KANSL1: variants seen among roughly 807,000 people sequenced by gnomAD.
KANSL1 encodes the protein KAT8 regulatory NSL complex subunit 1.
In KANSL1, 22 loss-of-function variants were observed where a neutral mutation model predicts 103.6. That is an observed-to-expected ratio of 0.21 (90% CI 0.15 to 0.30). The LOEUF (loss-of-function observed/expected upper bound fraction) is 0.30, where lower values mean the gene tolerates loss of function less well. Ranked by LOEUF, KANSL1 falls within the 10% of genes least tolerant of loss-of-function variation. KANSL1 has a pLI of 1.00. For missense variants in KANSL1, 1,337 were observed against 1,399.8 expected, an observed-to-expected ratio of 0.96 and a Z score of 0.72; for synonymous variants, 600 against 527.6, an observed-to-expected ratio of 1.14 and a Z score of -1.88.
intron 2 of KANSL1, among the ~76,000 whole-genome samples, chr17:46,117,774 G>A (rs1190178012): frequency 6.6e-6 from 1 of 152,110 alleles, no homozygotes; most frequent in Admixed American, 6.5e-5. Flanking sequence ...TTTTAATTAT[G>A]CTTTTAAAAT....
intron 6 of KANSL1, among the ~76,000 whole-genome samples, chr17:46,063,265 T>C (rs1387326078): frequency 1.3e-5 from 2 of 152,232 alleles, no homozygotes; most frequent in Non-Finnish European, 2.9e-5. Context: ...TTTGCTGTCA[T>C]TAGAAAGTAA....
chr17:46,219,960 G>A (rs571568664), intron 1 of KANSL1, among the ~76,000 whole-genome samples: 86 of 152,052 alleles, frequency 5.7e-4, no homozygotes, highest in Middle Eastern at 3.4e-3. Context: ...AAAATTAGCC[G>A]GGCGTGGTGG....
At chr17:46,049,202 A>G (rs1395075429) in intron 7 of KANSL1, among the ~76,000 whole-genome samples, 1 of 150,656 alleles carries the variant, frequency 6.6e-6, no homozygotes, top group Non-Finnish European at 1.5e-5. Context: ...GAACTCTTAG[A>G]AATGATCTCT....
chr17:46,046,654 G>A (rs575517682), intron 7 of KANSL1, among the ~76,000 whole-genome samples: 14 of 150,212 alleles, frequency 9.3e-5, no homozygotes, highest in African/African-American at 2.2e-4. Flanking sequence ...TGGCCAATAT[G>A]GTGAAACCCC....
intron 1 of KANSL1, among the ~76,000 whole-genome samples, chr17:46,218,009 G>C: frequency 6.6e-6 from 1 of 152,096 alleles, no homozygotes; most frequent in Middle Eastern, 3.2e-3. Flanking sequence ...CTGGGCAACA[G>C]AGCAAGACTC....
chr17:46,080,644 C>T (rs1039693622), intron 4 of KANSL1, among the ~76,000 whole-genome samples: 68 of 152,236 alleles, frequency 4.5e-4, no homozygotes, highest in African/African-American at 1.6e-3. Context: ...TTTTAAGAAA[C>T]ATATGCTCTG....
At chr17:46,033,874 A>G (rs1417853447) in intron 11 of KANSL1, among the ~76,000 whole-genome samples, 1 of 152,250 alleles carries the variant, frequency 6.6e-6, no homozygotes, top group African/African-American at 2.4e-5. Context: ...TGATGTTGAC[A>G]ACAAATTCAG....
intron 2 of KANSL1, among the ~76,000 whole-genome samples, chr17:46,096,658 G>A (rs1005319729): frequency 2.7e-5 from 4 of 150,542 alleles, no homozygotes; most frequent in Admixed American, 2.7e-4. Flanking sequence ...TTGCTCTGTC[G>A]CCCGGGCTGG....
intron 2 of KANSL1, among the ~76,000 whole-genome samples, chr17:46,133,180 T>C (rs903031917): frequency 2.6e-5 from 4 of 152,176 alleles, no homozygotes; most frequent in African/African-American, 9.7e-5. Context: ...GCTCAATTTT[T>C]AATGGGCAAA....
At chr17:46,209,498 G>T (rs1370030142) in intron 1 of KANSL1, among the ~76,000 whole-genome samples, 2 of 152,106 alleles carry the variant, frequency 1.3e-5, no homozygotes, top group Non-Finnish European at 2.9e-5. Context: ...TGGGTTTTTT[G>T]TTGTTGTTTT....
upstream of KANSL1, chr17:46,196,295 G>GTCA: frequency 2.2e-6 from 1 of 452,180 alleles, no homozygotes. Context: ...TCTTGGAATA[G>GTCA]TCATGTTGAC....
At chr17:46,220,092 G>A (rs2048477281) in intron 1 of KANSL1, among the ~76,000 whole-genome samples, 1 of 152,018 alleles carries the variant, frequency 6.6e-6, no homozygotes, top group Non-Finnish European at 1.5e-5. Flanking sequence ...GACAGAGTGA[G>A]GCTCCGTCTC....
At chr17:46,062,114 C>CAAAAAAAAAAAAAA (rs1192815524) in intron 6 of KANSL1, among the ~76,000 whole-genome samples, 1 of 37,126 alleles carries the variant, frequency 2.7e-5, no homozygotes, top group African/African-American at 6.8e-5. Context: ...AAAAAACAAA[C>CAAAAAAAAAAAAAA]AAACAAAAAA....
Position 46,128,997 on chromosome 17 carries a change from T to C in KANSL1, c.1290-34296A>G, listed in dbSNP as rs552165545. On this transcript the variant is annotated intron_variant, in intron 2 of 14. Transcript: ENST00000432791. ...ATAATAGCTTAGACTAGGGTGATGG[T>C]AGCAGTCAAATGAGGAATGTTATTT... Among the ~76,000 whole-genome samples, 10 of 152,256 alleles carry C rather than the reference T, an allele frequency of 6.6e-5. No homozygotes were observed. The South Asian group carries it at 2.1e-3, about 32-fold the overall frequency.
upstream of KANSL1, among the ~76,000 whole-genome samples, chr17:46,198,457 T>C (rs1418514083): frequency 1.4e-5 from 2 of 139,888 alleles, no homozygotes; most frequent in Non-Finnish European, 3.0e-5. Flanking sequence ...AAAGCCTGGA[T>C]GTGGTGACTC....
intron 1 of KANSL1, among the ~76,000 whole-genome samples, chr17:46,173,438 T>C (rs2046378882): frequency 6.6e-6 from 1 of 152,254 alleles, no homozygotes; most frequent in Non-Finnish European, 1.5e-5. Context: ...ATCTCAGTCA[T>C]TTGCCTCTGT....
At position 46,031,677 on chromosome 17, in the gene KANSL1, G is replaced by A. The variant is rs774951690; in HGVS notation, c.3117C>T (p.Thr1039=). The A allele has an allele frequency of 1.2e-6, 2 of 1,609,612 alleles. No individual in the cohort carries two copies. Among genetic ancestry groups the A allele is most frequent in the South Asian group, 1.1e-5 (1 of 90,956 alleles). Residue 1039 remains threonine, a synonymous_variant, in exon 15 of 15, where the codon ACC becomes ACT. Coordinates refer to ENST00000432791, the MANE Select transcript of KANSL1 (RefSeq NM_015443.4). ...CCTGGGGACTGTGCGCCAGGGGGAA[G>A]GTCCGCCGCTCCCAGGGCTGGACAG... ...EQSVQPWERR[T]FPLAHSPQAE...
At chr17:46,217,974 C>T (rs151083569) in intron 1 of KANSL1, among the ~76,000 whole-genome samples, 8,125 of 151,716 alleles carry the variant, frequency 0.054, 669 homozygotes, top group African/African-American at 0.19. Flanking sequence ...TGCAGTGAAC[C>T]GATATTATGC....
intron 2 of KANSL1, among the ~76,000 whole-genome samples, chr17:46,136,628 C>A (rs1010274387): frequency 1.3e-5 from 2 of 152,212 alleles, no homozygotes; most frequent in Admixed American, 1.3e-4. Context: ...AGGCCTTTCT[C>A]GTCACCCACC....
Sources: allele counts gnomAD v4.1 joint callset (sites outside exome capture counted in the v4.1 genomes callset), GRCh38; gene constraint gnomAD v4.1.1; transcripts MANE v1.5; gene names NCBI Gene and HGNC (gene_info 2026-07-23, HGNC 2026-07-21).